MPHOSPH9: variants seen among roughly 807,000 people sequenced by gnomAD.
MPHOSPH9 encodes M-phase phosphoprotein 9.
In MPHOSPH9, 88 loss-of-function variants were observed where a neutral mutation model predicts 145.5. That is an observed-to-expected ratio of 0.60 (90% CI 0.51 to 0.72). The LOEUF (loss-of-function observed/expected upper bound fraction) is 0.72. Ranked by LOEUF, MPHOSPH9 falls within the 30% of genes least tolerant of loss-of-function variation. The probability of loss-of-function intolerance (pLI) is 0.00; values close to 1 mark genes in which losing one functional copy is unlikely to be tolerated. For synonymous variants in MPHOSPH9, 435 were observed against 486.2 expected (o/e 0.89, Z 1.39); for missense variants, 1,238 against 1,386.6 (o/e 0.89, Z 1.70).
intron 13 of MPHOSPH9, among the ~76,000 whole-genome samples, chr12:123,192,233 C>T (rs559359886): frequency 7.9e-5 from 12 of 152,106 alleles, no homozygotes; most frequent in South Asian, 2.1e-4. Flanking sequence ...GCAGGAGGAA[C>T]GCTTGAGCCC....
intron 6 of MPHOSPH9, among the ~76,000 whole-genome samples, chr12:123,217,215 T>G (rs1229168309): frequency 1.3e-5 from 2 of 152,074 alleles, no homozygotes; most frequent in Non-Finnish European, 2.9e-5. Flanking sequence ...CTTTTTTTTT[T>G]TTAGACGGAA....
chr12:123,166,832 T>C (rs751125784), intron 16 of MPHOSPH9, 43 bp from the exon 17 acceptor site: 3 of 1,591,104 alleles, frequency 1.9e-6, no homozygotes, highest in Non-Finnish European at 2.6e-6. Flanking sequence ...GGTCTGCACT[T>C]CATTTCAGAC....
intron 17 of MPHOSPH9, 198 bp from the exon 18 acceptor site, chr12:123,165,675 A>G (rs2044288704): frequency 9.9e-6 from 5 of 503,210 alleles, no homozygotes; most frequent in Middle Eastern, 4.4e-4. Flanking sequence ...GCCCTTATGA[A>G]AAAGGGAAAG....
At chr12:123,227,748 C>G in intron 2 of MPHOSPH9, 132 bp from the exon 3 acceptor site, 1 of 719,138 alleles carries the variant, frequency 1.4e-6, no homozygotes, top group Admixed American at 3.8e-5. Flanking sequence ...CTCATTTGTT[C>G]AAAATCTGAT....
chr12:123,169,816 C>T (rs1186468202), intron 16 of MPHOSPH9, among the ~76,000 whole-genome samples: 1 of 151,640 alleles, frequency 6.6e-6, no homozygotes, highest in Non-Finnish European at 1.5e-5. Context: ...GGCCAAACTC[C>T]TAACCTTAAG....
intron 12 of MPHOSPH9, among the ~76,000 whole-genome samples, chr12:123,197,645 G>A (rs1468953573): frequency 1.3e-5 from 2 of 151,988 alleles, no homozygotes; most frequent in Non-Finnish European, 2.9e-5. Context: ...AGCTGGGCAC[G>A]GTGGCATGCA....
intron 3 of MPHOSPH9, among the ~76,000 whole-genome samples, chr12:123,224,035 A>C (rs749856383): frequency 2.7e-5 from 4 of 149,572 alleles, no homozygotes; most frequent in East Asian, 4.0e-4. Context: ...CCCGTGTTCA[A>C]GCAATTCTCA....
At chr12:123,182,380 A>G (rs1365248436) in intron 13 of MPHOSPH9, among the ~76,000 whole-genome samples, 2 of 150,864 alleles carry the variant, frequency 1.3e-5, no homozygotes, top group Non-Finnish European at 1.5e-5. Context: ...CAGCTTCCCA[A>G]GTAGCTGGGA....
At chr12:123,166,925 T>A in intron 16 of MPHOSPH9, 136 bp from the exon 17 acceptor site, 1 of 899,624 alleles carries the variant, frequency 1.1e-6, no homozygotes, top group Non-Finnish European at 1.6e-6. Flanking sequence ...TAACAATCTA[T>A]ATTTTGGATA....
At chr12:123,160,740 G>A (rs1451268289) in intron 23 of MPHOSPH9, 41 bp downstream of exon 23, 9 of 1,565,114 alleles carry the variant, frequency 5.8e-6, no homozygotes, top group Admixed American at 1.7e-5. Context: ...ACACTGACTG[G>A]CATCAAGCCT....
chr12:123,190,666 T>C (rs981978070), intron 13 of MPHOSPH9, among the ~76,000 whole-genome samples: 8 of 152,178 alleles, frequency 5.3e-5, no homozygotes, highest in Admixed American at 2.6e-4. Context: ...AATTCATACA[T>C]TGCTTAAGAA....
At chr12:123,211,480 G>A (rs752960990) in intron 7 of MPHOSPH9, among the ~76,000 whole-genome samples, 2 of 151,494 alleles carry the variant, frequency 1.3e-5, no homozygotes, top group Non-Finnish European at 2.9e-5. Flanking sequence ...AGCCCCACAA[G>A]AAGCTGGGAC....
intron 19 of MPHOSPH9, chr12:123,163,732 C>CT (rs1565897447): frequency 4.6e-6 from 2 of 439,344 alleles, no homozygotes; most frequent in African/African-American, 3.9e-5. Flanking sequence ...AAAAATCTCA[C>CT]TTTAATAAAC....
intron 1 of MPHOSPH9, among the ~76,000 whole-genome samples, chr12:123,243,542 AAAAAAT>A (rs1565993357): frequency 1.4e-5 from 2 of 139,864 alleles, no homozygotes; most frequent in South Asian, 2.4e-4. Context: ...AAAAAAAAAA[AAAAAAT>A]ACAAAAATTA....
At chr12:123,172,495 G>C (rs1337601080) in intron 16 of MPHOSPH9, among the ~76,000 whole-genome samples, 3 of 152,040 alleles carry the variant, frequency 2.0e-5, no homozygotes, top group Non-Finnish European at 4.4e-5. Flanking sequence ...ACCATACCCA[G>C]CTAATTTTTG....
intron 1 of MPHOSPH9, among the ~76,000 whole-genome samples, chr12:123,232,372 T>C (rs773589817): frequency 1.3e-5 from 2 of 151,674 alleles, no homozygotes; most frequent in Non-Finnish European, 2.9e-5. Flanking sequence ...ACAAATACAA[T>C]GCAAAAAAAA....
intron 16 of MPHOSPH9, among the ~76,000 whole-genome samples, chr12:123,169,102 T>A (rs1295132255): frequency 1.3e-5 from 2 of 151,754 alleles, no homozygotes; most frequent in Non-Finnish European, 2.9e-5. Context: ...TTAGCCAGGA[T>A]GGTCTTGATC....
At chr12:123,187,662 T>C (rs938507033) in intron 13 of MPHOSPH9, among the ~76,000 whole-genome samples, 1 of 152,144 alleles carries the variant, frequency 6.6e-6, no homozygotes, top group Non-Finnish European at 1.5e-5. Context: ...GACAGACCAA[T>C]GGAACAGCTC....
At chr12:123,228,851 C>T (rs1013115382) in intron 2 of MPHOSPH9, among the ~76,000 whole-genome samples, 9 of 152,136 alleles carry the variant, frequency 5.9e-5, no homozygotes, top group African/African-American at 2.2e-4. Context: ...TTCCTCCAGC[C>T]AAATCAAACA....
Sources: allele counts gnomAD v4.1 joint callset (sites outside exome capture counted in the v4.1 genomes callset), GRCh38; gene constraint gnomAD v4.1.1; transcripts MANE v1.5; gene names NCBI Gene and HGNC (gene_info 2026-07-23, HGNC 2026-07-21).